The following AKAP13 variants were observed in gnomAD, a reference collection of about 807,000 sequenced individuals.
The protein encoded by AKAP13 is A-kinase anchor protein 13.
Under a neutral mutation model 264.5 loss-of-function variants are expected in AKAP13, and 80 were observed. The observed-to-expected ratio is 0.30, with a 90% CI of 0.25 to 0.36. The LOEUF (loss-of-function observed/expected upper bound fraction) is 0.36. AKAP13 is among the 10% of genes least tolerant of loss of function. The probability of loss-of-function intolerance (pLI) is 1.00; values close to 1 mark genes in which losing one functional copy is unlikely to be tolerated. For missense variants in AKAP13, 3,712 were observed against 3,435.2 expected, an observed-to-expected ratio of 1.08 and a Z score of -2.01; for synonymous variants, 1,380 against 1,250.2, an observed-to-expected ratio of 1.10 and a Z score of -2.19.
In AKAP13 at chr15:85,747,803, T is replaced by C. The variant is rs1253678026; in HGVS notation, c.*3126T>C. On this transcript the variant is annotated 3_prime_UTR_variant, in exon 37 of 37. Transcript: ENST00000394518. ...GGAAGAATCCTTACCAAGGTTTTTT[T>C]GGAAAGGTACGAATCTTAACTTTTT... 3 of 152,954 alleles carry C rather than the reference T, an allele frequency of 2.0e-5. No homozygotes were observed. Among genetic ancestry groups the C allele is most frequent in the African/African-American group, 7.2e-5 (3 of 41,458 alleles). The allele number at this position is 152,954 out of a possible 1,614,324, so 9.5% of individuals were successfully genotyped here.
At chr15:85,409,626 GTTT>G (rs1333608342) in intron 1 of AKAP13, among the ~76,000 whole-genome samples, 3 of 129,972 alleles carry the variant, frequency 2.3e-5, no homozygotes, top group Non-Finnish European at 4.9e-5. Flanking sequence ...GCTAGTAGTA[GTTT>G]TTTTTTTTTT....
intron 3 of AKAP13, 71 bp downstream of exon 3, chr15:85,521,646 A>G (rs2076827134): frequency 1.3e-6 from 2 of 1,512,130 alleles, no homozygotes; most frequent in Non-Finnish European, 1.8e-6. Context: ...GTTTATGAGT[A>G]TAGAGTGACA....
chr15:85,455,313 G>A (rs1255096154), intron 1 of AKAP13, among the ~76,000 whole-genome samples: 1 of 151,902 alleles, frequency 6.6e-6, no homozygotes, highest in Non-Finnish European at 1.5e-5. Context: ...ACAAAATCTC[G>A]TTTCTTGTAG....
intron 5 of AKAP13, among the ~76,000 whole-genome samples, chr15:85,571,524 C>T (rs1328313123): frequency 6.6e-6 from 1 of 152,190 alleles, no homozygotes; most frequent in Non-Finnish European, 1.5e-5. Context: ...AGGTTTTATA[C>T]GGTGGTAACA....
chr15:85,633,768 T>A (rs796322480), intron 8 of AKAP13, among the ~76,000 whole-genome samples: 6 of 151,696 alleles, frequency 4.0e-5, no homozygotes, highest in African/African-American at 1.2e-4. Flanking sequence ...ATGGTCTCGA[T>A]CTCCTGACCT....
intron 12 of AKAP13, among the ~76,000 whole-genome samples, chr15:85,659,073 T>C (rs1041330113): frequency 1.5e-4 from 23 of 152,360 alleles, no homozygotes; most frequent in East Asian, 1.2e-3. Flanking sequence ...CCTGGCATTT[T>C]CCATTCCATT....
At chr15:85,633,369 G>A (rs1188257115) in intron 8 of AKAP13, among the ~76,000 whole-genome samples, 4 of 44,408 alleles carry the variant, frequency 9.0e-5, no homozygotes, top group Non-Finnish European at 1.3e-4. Context: ...TAATAGGGGC[G>A]GGGGGGGAGT....
chr15:85,634,913 T>G (rs1446290780), intron 8 of AKAP13, among the ~76,000 whole-genome samples: 1 of 152,098 alleles, frequency 6.6e-6, no homozygotes, highest in Non-Finnish European at 1.5e-5. Flanking sequence ...GTTCATTTCT[T>G]CTTTCTATGA....
At chr15:85,388,196 C>T (rs922646768) in intron 1 of AKAP13, among the ~76,000 whole-genome samples, 10 of 151,630 alleles carry the variant, frequency 6.6e-5, no homozygotes, top group Admixed American at 4.6e-4. Flanking sequence ...TTGTCATGCC[C>T]GGCTAATTTT....
chr15:85,743,462 A>C (rs1241487242), intron 35 of AKAP13, 30 bp from the exon 36 acceptor site: 23 of 1,597,482 alleles, frequency 1.4e-5, no homozygotes, highest in Non-Finnish European at 2.0e-5. Context: ...ACAGCCTCCA[A>C]GTGAAAACCC....
chr15:85,638,850 G>A (rs1318989226), intron 8 of AKAP13, among the ~76,000 whole-genome samples: 5 of 151,732 alleles, frequency 3.3e-5, no homozygotes, highest in South Asian at 2.1e-4. Flanking sequence ...TCTGCCTCCC[G>A]GGTTTAAGCA....
rs1485727350 is a variant in AKAP13, at chr15:85,718,104, C to A, written c.5946C>A (p.Ser1982Arg). ...AGTCTTGGAGTCGGATAATAGACAG[C>A]AAGTTTCTAAAACAGCAAAAGAAAG... ...EAESWSRIID[S>R]KFLKQQKKDV... is the part of the protein sequence containing the mutation. The change falls in exon 22 of 37, where the codon AGC becomes AGA. Residue 1982 changes from serine to arginine, a missense_variant. Physicochemically the swap from Ser to Arg is moderately radical, Grantham distance 110. This residue lies in a region of AKAP13 where 2,759 missense variants were observed against 2,411.7 expected (regional missense o/e 1.14). Coordinates refer to ENST00000394518, the MANE Select transcript of AKAP13 (RefSeq NM_007200.5). This position sits in a 1 kb window ranked among gnomAD's most constrained non-coding sequence, Gnocchi z 4.9. 3 of 1,614,080 alleles carry A rather than the reference C, an allele frequency of 1.9e-6. No homozygotes were observed. The highest frequency in any genetic ancestry group is 2.5e-6 in the Non-Finnish European group (3 of 1,180,000).
At chr15:85,548,050 T>G (rs2077818204) in intron 5 of AKAP13, among the ~76,000 whole-genome samples, 1 of 151,898 alleles carries the variant, frequency 6.6e-6, no homozygotes. Context: ...AAGAAGAAAA[T>G]ATTAGAGCCA....
At chr15:85,649,577 AT>A (rs2082711563) in intron 10 of AKAP13, among the ~76,000 whole-genome samples, 1 of 152,132 alleles carries the variant, frequency 6.6e-6, no homozygotes, top group Non-Finnish European at 1.5e-5. Context: ...TCCTGCAGCC[AT>A]TTGTGTCTCT....
Position 85,559,401 on chromosome 15 carries a change from T to C in AKAP13, c.662+15446T>C, listed in dbSNP as rs75769078. 1.9e-3 allele frequency among the ~76,000 whole-genome samples: 296 copies of C among 152,318 alleles called. 9 individuals carry two copies. The East Asian group carries it at 0.054, about 28-fold the overall frequency. The stretch of plus-strand genomic sequence containing the variant: ...GGTTTTGTGGAAGACAGTTTTTTCA[T>C]GGACCTGTGGGAGGAGGGGATGTGA... On this transcript the variant is annotated intron_variant, in intron 5 of 36. Transcript: ENST00000394518.
chr15:85,575,959 C>T (rs1045224201), intron 6 of AKAP13, among the ~76,000 whole-genome samples: 1 of 152,130 alleles, frequency 6.6e-6, no homozygotes, highest in East Asian at 1.9e-4. Flanking sequence ...GCACTCCTGC[C>T]GGGGTGACAG....
chr15:85,460,496 T>G (rs2150998681), intron 1 of AKAP13, among the ~76,000 whole-genome samples: 1 of 152,354 alleles, frequency 6.6e-6, no homozygotes, highest in Non-Finnish European at 1.5e-5. Context: ...TTTATGATAC[T>G]TTCTGTGGTA....
intron 25 of AKAP13, 45 bp downstream of exon 25, chr15:85,722,392 T>G (rs750803724): frequency 2.1e-5 from 31 of 1,492,638 alleles, no homozygotes; most frequent in Non-Finnish European, 2.6e-5. Flanking sequence ...ATGGACTGTT[T>G]CCTCTGTGGC....
intron 4 of AKAP13, among the ~76,000 whole-genome samples, chr15:85,540,403 C>T (rs1026104022): frequency 7.9e-5 from 12 of 152,126 alleles, no homozygotes; most frequent in Admixed American, 6.5e-4. Flanking sequence ...ATTACATCTG[C>T]GGCAAAGCTA....
Sources: gnomAD v4.1 joint callset for allele counts (sites outside exome capture counted in the v4.1 genomes callset) on GRCh38, gnomAD v4.1.1 for gene constraint, gnomAD v4.1.1 regional missense constraint, Gnocchi (gnomAD v3.1) non-coding constraint, MANE v1.5 for transcripts, NCBI Gene and HGNC (gene_info 2026-07-23, HGNC 2026-07-21) for gene names.